Variants in DCLRE1C observed in about 807,000 individuals in gnomAD.
DCLRE1C encodes the protein protein artemis.
In DCLRE1C, 47 loss-of-function variants were observed where a neutral mutation model predicts 61.4. The observed-to-expected ratio is 0.77, with a 90% CI of 0.61 to 0.98. The LOEUF is 0.98. Among genes scored for constraint, DCLRE1C ranks in the 50% least tolerant of loss-of-function variants. DCLRE1C has a pLI of 0.00. For missense variants in DCLRE1C, 858 were observed against 816.0 expected, an observed-to-expected ratio of 1.05 and a Z score of -0.63; for synonymous variants, 337 against 287.6, an observed-to-expected ratio of 1.17 and a Z score of -1.74.
chr10:14,951,389 C>CAAAAA lies in DCLRE1C; in HGVS notation c.110-2307_110-2303dup, dbSNP rs60272216. On this transcript the variant is annotated intron_variant, in intron 1 of 13. Transcript: ENST00000378278. Reference sequence around the variant, plus strand: ...TGGGTGACAGAGCAAAACCCTGTCTCAAAAAAAAAAAAAAAAAAAAAAAAA... The same window carrying CAAAAA: ...TGGGTGACAGAGCAAAACCCTGTCTCAAAAAAAAAAAAAAAAAAAAAAAAAAAAAA... Among the ~76,000 whole-genome samples, 18 of 46,058 alleles carry CAAAAA rather than the reference C, an allele frequency of 3.9e-4. 1 individual carries two copies. The highest frequency in any genetic ancestry group is 1.2e-3 in the South Asian group (1 of 862). 30.2% of individuals were successfully genotyped at this position (46,058 alleles called of 152,430 possible). A position where few individuals can be genotyped will look rare whatever the true frequency, so the allele number is the denominator to read the frequency against.
chr10:14,899,269 A>C (rs1833824490), exon 14 of DCLRE1C: 2 of 702,296 alleles, frequency 2.8e-6, no homozygotes, highest in African/African-American at 3.5e-5. Context: ...ACAGGGAGTC[A>C]TGATGGCACC....
intron 13 of DCLRE1C, among the ~76,000 whole-genome samples, chr10:14,915,964 G>A (rs145649050): frequency 2.6e-5 from 4 of 152,254 alleles, no homozygotes; most frequent in East Asian, 1.9e-4. Flanking sequence ...AAAAATCAGT[G>A]TATGTCACCA....
rs567619360 is a variant in DCLRE1C at position 14,898,777 on chromosome 10, T to C, written c.*387A>G. The C allele has an allele frequency of 5.2e-5, 8 of 155,218 alleles. No homozygotes were observed. In the East Asian group the frequency reaches 1.1e-3, roughly 22 times the overall value. 9.6% of individuals were successfully genotyped at this position (155,218 alleles called of 1,614,324 possible). ...CTTACAGAATTGCATGAAAATAACATATTCTACAAAAACAAAACCTTCCAT... is the reference window on the plus strand; with the variant it reads ...CTTACAGAATTGCATGAAAATAACACATTCTACAAAAACAAAACCTTCCAT... On this transcript the variant is annotated 3_prime_UTR_variant, in exon 14 of 14. Coordinates refer to the DCLRE1C transcript ENST00000378289.
In DCLRE1C at chr10:14,939,791, ATATTTAATAT is replaced by A; in HGVS notation, c.306+9_306+18del. 6.3e-7 allele frequency: 1 copy of A among 1,576,050 alleles called. No individual in the cohort carries two copies. The highest frequency in any genetic ancestry group is 8.7e-7 in the Non-Finnish European group (1 of 1,148,298). ...GCACCACATTTTTTTAAAAAAATCA[ATATTTAATAT>A]TTAGTTACCTCTCCTGATGCTTCAT... On this transcript the variant is annotated intron_variant, in intron 4 of 13. Coordinates refer to ENST00000378278, the MANE Select transcript of DCLRE1C (RefSeq NM_001033855.3).
rs967294695 is a variant in DCLRE1C, at chr10:14,905,707, G to A, written c.*2701C>T. ...CATTTTGAAACTTCATGTTTCGGCTGGACACGGTAGCTGACGCCTGTAATC... is the reference window on the plus strand; with the variant it reads ...CATTTTGAAACTTCATGTTTCGGCTAGACACGGTAGCTGACGCCTGTAATC... On this transcript the variant is annotated 3_prime_UTR_variant, in exon 14 of 14. Transcript: ENST00000378278. Among the ~76,000 whole-genome samples the A allele has an allele frequency of 6.6e-6, 1 of 152,194 alleles. No homozygotes were observed. Among genetic ancestry groups the A allele is most frequent in the African/African-American group, 2.4e-5 (1 of 41,442 alleles).
intron 12 of DCLRE1C, among the ~76,000 whole-genome samples, chr10:14,922,381 C>T (rs892901041): frequency 6.6e-6 from 1 of 150,826 alleles, no homozygotes; most frequent in African/African-American, 2.4e-5. Flanking sequence ...GTGGAGGTTG[C>T]AGTGAGCCGA....
At chr10:14,916,592 A>C (rs554619683) in intron 13 of DCLRE1C, among the ~76,000 whole-genome samples, 1 of 152,372 alleles carries the variant, frequency 6.6e-6, no homozygotes, top group East Asian at 1.9e-4. Flanking sequence ...AAGCATTTTG[A>C]ATAAGGGACA....
At chr10:14,935,318 T>A in intron 6 of DCLRE1C, 145 bp downstream of exon 6, 1 of 854,266 alleles carries the variant, frequency 1.2e-6, no homozygotes, top group East Asian at 2.8e-5. Flanking sequence ...AATACAAAAT[T>A]AGCTGGGCGT....
chr10:14,908,231 A>C lies in DCLRE1C; in HGVS notation c.*177T>G, dbSNP rs1469123904. Reference sequence around the variant, plus strand: ...CACTGTGTTGGCCAGGCTGGTGTCGAACTCCTGGGCTCAAGCCATTGCCCA... The same window carrying C: ...CACTGTGTTGGCCAGGCTGGTGTCGCACTCCTGGGCTCAAGCCATTGCCCA... On this transcript the variant is annotated 3_prime_UTR_variant, in exon 14 of 14. Transcript: ENST00000378278. The C allele has an allele frequency of 1.9e-6, 1 of 514,590 alleles. No homozygotes were observed. Among genetic ancestry groups the C allele is most frequent in the Non-Finnish European group, 3.3e-6 (1 of 299,056 alleles). The allele number at this position is 514,590 out of a possible 1,614,324, so 31.9% of individuals were successfully genotyped here.
downstream of DCLRE1C, among the ~76,000 whole-genome samples, chr10:14,900,294 C>T (rs1473884485): frequency 2.6e-5 from 4 of 152,120 alleles, no homozygotes; most frequent in Non-Finnish European, 5.9e-5. Context: ...TTTGGGTTAC[C>T]TACTAAGTAG....
Position 14,928,197 on chromosome 10 carries a change from C to T in DCLRE1C, c.781-45G>A, listed in dbSNP as rs1387383261. The T allele has an allele frequency of 1.9e-6, 3 of 1,585,542 alleles. No homozygotes were observed. In the African/African-American group the frequency reaches 4.0e-5, roughly 21 times the overall value. On this transcript the variant is annotated intron_variant, in intron 9 of 13. Transcript: ENST00000378278. Reference sequence around the variant, plus strand: ...TAGAAAAACAGTTCTACATTTTCTACAAATCTGTTGTAGGCAGAGTCTCAA... The same window carrying T: ...TAGAAAAACAGTTCTACATTTTCTATAAATCTGTTGTAGGCAGAGTCTCAA...
chr10:14,934,340 A>T (rs1341722164), intron 8 of DCLRE1C, 40 bp downstream of exon 8: 8 of 1,597,146 alleles, frequency 5.0e-6, no homozygotes, highest in Non-Finnish European at 6.8e-6. Context: ...AAAAAAAAAA[A>T]AAAGAAAAAA....
intron 4 of DCLRE1C, among the ~76,000 whole-genome samples, chr10:14,938,674 A>G (rs1312009983): frequency 1.3e-5 from 2 of 152,196 alleles, no homozygotes; most frequent in Non-Finnish European, 2.9e-5. Context: ...TTTAATGATG[A>G]AAAATAATTT....
Position 14,954,046 on chromosome 10 carries a change from C to A in DCLRE1C, c.-36G>T, listed in dbSNP as rs373146667. 1.0e-4 allele frequency: 161 copies of A among 1,613,186 alleles called. No individual in the cohort carries two copies. In the African/African-American group the frequency reaches 1.9e-3, roughly 19 times the overall value. On this transcript the variant is annotated 5_prime_UTR_variant, in exon 1 of 14. Coordinates refer to ENST00000378278, the MANE Select transcript of DCLRE1C (RefSeq NM_001033855.3). The stretch of plus-strand genomic sequence containing the variant: ...ATCCCAGAGTCCGGGACCCCAAAAC[C>A]GCAGCTGAAGCCAAGGCCAGCCCTG...
intron 3 of DCLRE1C, among the ~76,000 whole-genome samples, chr10:14,944,325 C>T (rs558785709): frequency 2.3e-3 from 356 of 152,114 alleles, no homozygotes; most frequent in Middle Eastern, 6.8e-3. Flanking sequence ...ACAGTGAAAT[C>T]CTCTGCCTAC....
rs1834776385 is a variant in DCLRE1C at position 14,908,898 on chromosome 10, G to GTTGA, written c.1585_1588dup (p.Thr530IlefsTer28). 2 of 1,614,096 alleles carry GTTGA rather than the reference G, an allele frequency of 1.2e-6. No individual in the cohort carries two copies. The highest frequency in any genetic ancestry group is 1.7e-6 in the Non-Finnish European group (2 of 1,180,048). On this transcript the variant is annotated frameshift_variant, in exon 14 of 14. Transcript: ENST00000378278. LOFTEE classifies it low-confidence loss of function (END_TRUNC). ...GGAAGAATTCTGGGAGGAGATGTGA[G>GTTGA]TTGATTCTCCATCAGAGTCACTGAA...
intron 13 of DCLRE1C, among the ~76,000 whole-genome samples, chr10:14,918,015 A>G (rs552729442): frequency 2.0e-5 from 3 of 152,342 alleles, no homozygotes; most frequent in Admixed American, 2.0e-4. Flanking sequence ...AACCATACCA[A>G]GTATTGGCAA....
intron 13 of DCLRE1C, among the ~76,000 whole-genome samples, chr10:14,916,788 T>C (rs1320088558): frequency 6.6e-6 from 1 of 152,230 alleles, no homozygotes; most frequent in African/African-American, 2.4e-5. Flanking sequence ...AGGTATACCA[T>C]GTTCATGGAT....
At chr10:14,934,801 G>C in intron 6 of DCLRE1C, 26 bp from the exon 7 acceptor site, 1 of 1,522,274 alleles carries the variant, frequency 6.6e-7, no homozygotes, top group Non-Finnish European at 9.1e-7. Flanking sequence ...ATTGATGTTA[G>C]CCATCCAATG....
Sources: allele counts gnomAD v4.1 joint callset (sites outside exome capture counted in the v4.1 genomes callset), GRCh38; gene constraint gnomAD v4.1.1; transcripts MANE v1.5; gene names NCBI Gene and HGNC (gene_info 2026-07-23, HGNC 2026-07-21).